GALC: variants seen among roughly 807,000 people sequenced by gnomAD.
The protein encoded by GALC is galactosylceramidase.
GALC carries 77 observed loss-of-function variants against 91.8 expected under a neutral mutation model. The ratio of observed to expected loss-of-function variants is 0.84; its 90% confidence interval spans 0.70 to 1.01. The LOEUF (loss-of-function observed/expected upper bound fraction) is 1.01. Ranked by LOEUF, GALC falls within the 50% of genes least tolerant of loss-of-function variation. The pLI, the probability that GALC is intolerant of heterozygous loss-of-function variation, is 0.00. For missense variants in GALC, 882 were observed against 855.9 expected, an observed-to-expected ratio of 1.03 and a Z score of -0.38; for synonymous variants, 357 against 306.7, an observed-to-expected ratio of 1.16 and a Z score of -1.71.
At position 87,945,651 on chromosome 14, in the gene GALC, G is replaced by T; in HGVS notation, c.1572C>A (p.Gly524=). ...CTTGGCGTAGCGTGAAGTGATGCTC[G>T]CCAGGGTCTTCAATATTTGTAAAAT... ...FEYFTNIEDP[G]EHHFTLRQVL... The change falls in exon 14 of 17, where the codon GGC becomes GGA. Residue 524 remains glycine (G), a synonymous_variant. Coordinates refer to ENST00000261304, the MANE Select transcript of GALC (RefSeq NM_000153.4). 4.3e-6 allele frequency: 7 copies of T among 1,611,204 alleles called. No homozygotes were observed. The highest frequency in any genetic ancestry group is 5.9e-6 in the Non-Finnish European group (7 of 1,177,790).
chr14:87,964,364 T>A (rs548735423), intron 9 of GALC, among the ~76,000 whole-genome samples: 2 of 152,278 alleles, frequency 1.3e-5, no homozygotes, highest in South Asian at 4.1e-4. Context: ...TCCAAATTCA[T>A]AATTTTCTTC....
intron 10 of GALC, chr14:87,955,092 G>A: frequency 7.4e-7 from 1 of 1,351,920 alleles, no homozygotes; most frequent in Non-Finnish European, 1.1e-6. Context: ...GTGTATCAAA[G>A]ATTCAGAGCC....
intron 8 of GALC, among the ~76,000 whole-genome samples, chr14:87,965,951 G>A (rs1886035180): frequency 1.3e-5 from 2 of 152,120 alleles, no homozygotes; most frequent in South Asian, 4.1e-4. Context: ...ACAAATTTGA[G>A]TCAAATACAA....
intron 15 of GALC, 85 bp from the exon 16 acceptor site, chr14:87,940,066 G>A (rs1374888533): frequency 9.9e-7 from 1 of 1,011,530 alleles, no homozygotes; most frequent in Admixed American, 1.7e-5. Flanking sequence ...TTCTTGAGTG[G>A]CATCTGTATG....
intron 6 of GALC, chr14:87,976,874 T>G: frequency 4.9e-6 from 1 of 203,438 alleles, no homozygotes; most frequent in Non-Finnish European, 1.0e-5. Context: ...CAATACTATA[T>G]TTTCTCAATA....
intron 10 of GALC, among the ~76,000 whole-genome samples, chr14:87,955,789 T>C (rs1375542736): frequency 5.3e-5 from 8 of 152,044 alleles, no homozygotes; most frequent in Admixed American, 5.3e-4. Flanking sequence ...TTGAGTGCCT[T>C]ACTGAATGTA....
At position 87,984,436 on chromosome 14, in the gene GALC, C is replaced by CA; in HGVS notation, c.539dup (p.Ala182ArgfsTer6). 1 of 1,614,006 alleles carries CA rather than the reference C, an allele frequency of 6.2e-7. No individual in the cohort carries two copies. The highest frequency in any genetic ancestry group is 2.2e-5 in the East Asian group (1 of 44,870). On this transcript the variant is annotated frameshift_variant, in exon 5 of 17. Transcript: ENST00000261304. LOFTEE classifies it high-confidence loss of function. ...CCAAATCATGGTAACGCTTGGCGCC[C>CA]ACAATCCAGGTCACGACATAATAGG... is the stretch of plus-strand genomic sequence containing the variant.
Position 87,950,640 on chromosome 14 carries a change from G to C in GALC, c.1251+19C>G. On this transcript the variant is annotated intron_variant, in intron 11 of 16. Coordinates refer to ENST00000261304, the MANE Select transcript of GALC (RefSeq NM_000153.4). ...ATTCTTAAATCAAAACTAAAATAAAGTTAAACATATTTACTTACAAAAGAT... is the reference window on the plus strand; with the variant it reads ...ATTCTTAAATCAAAACTAAAATAAACTTAAACATATTTACTTACAAAAGAT... 1 of 1,438,132 alleles carries C rather than the reference G, an allele frequency of 7.0e-7. No homozygotes were observed. The highest frequency in any genetic ancestry group is 9.8e-7 in the Non-Finnish European group (1 of 1,022,960). 89.1% of individuals were successfully genotyped at this position (1,438,132 alleles called of 1,614,324 possible).
Position 87,934,449 on chromosome 14 carries a change from C to T in GALC, c.*283G>A. The T allele has an allele frequency of 7.5e-7, 1 of 1,331,160 alleles. No individual in the cohort carries two copies. The highest frequency in any genetic ancestry group is 9.6e-7 in the Non-Finnish European group (1 of 1,036,882). The allele number at this position is 1,331,160 out of a possible 1,614,324, so 82.5% of individuals were successfully genotyped here. ...AGTGTTAGCAGCAAGGCTTCGAGGTCTGTACTACTCAAACCACTCCTAAGG... is the reference window on the plus strand; with the variant it reads ...AGTGTTAGCAGCAAGGCTTCGAGGTTTGTACTACTCAAACCACTCCTAAGG... On this transcript the variant is annotated 3_prime_UTR_variant, in exon 17 of 17. Coordinates refer to ENST00000261304, the MANE Select transcript of GALC (RefSeq NM_000153.4).
chr14:87,947,264 C>T (rs1885110545), intron 13 of GALC, among the ~76,000 whole-genome samples: 2 of 134,214 alleles, frequency 1.5e-5, no homozygotes. Context: ...CCTAGAAAAC[C>T]AAGAAAGCTC....
rs1884843673 is a variant in GALC at position 87,941,394 on chromosome 14, C to T, written c.1834+1G>A. ...TATTAAAAAAAAAAAAAGTCAGTTA[C>T]CTAAATCACCTGTAACCCTGTAAGA... On this transcript the variant is annotated splice_donor_variant, in intron 15 of 16. Transcript: ENST00000261304. LOFTEE classifies it high-confidence loss of function. The T allele has an allele frequency of 6.4e-7, 1 of 1,558,842 alleles. No homozygotes were observed. Among genetic ancestry groups the T allele is most frequent in the Non-Finnish European group, 8.7e-7 (1 of 1,144,220 alleles).
intron 3 of GALC, chr14:87,987,914 C>T (rs1379562583): frequency 1.9e-6 from 1 of 529,722 alleles, no homozygotes. Flanking sequence ...CTACCGATTA[C>T]TTCAACTAAA....
chr14:87,964,273 T>C (rs984054240), intron 9 of GALC, among the ~76,000 whole-genome samples: 15 of 152,162 alleles, frequency 9.9e-5, no homozygotes, highest in Non-Finnish European at 1.9e-4. Context: ...ACATGATTAA[T>C]ATGATTACAA....
At chr14:87,953,064 G>A (rs900423606) in intron 10 of GALC, 13 of 1,460,568 alleles carry the variant, frequency 8.9e-6, no homozygotes, top group South Asian at 6.8e-5. Flanking sequence ...GCCTGAAGTG[G>A]TACAAAGAGA....
At chr14:87,950,832 A>G (rs1595199307) in intron 10 of GALC, 84 bp from the exon 11 acceptor site, 1 of 773,832 alleles carries the variant, frequency 1.3e-6, no homozygotes. Flanking sequence ...AATGCCCAAG[A>G]TTAACAGAAA....
intron 1 of GALC, chr14:87,992,376 T>C: frequency 2.0e-6 from 3 of 1,535,686 alleles, no homozygotes; most frequent in East Asian, 2.4e-5. Context: ...TCGCTTATCT[T>C]CCTTTTAAAG....
At chr14:87,969,557 T>C (rs1886194678) in intron 7 of GALC, among the ~76,000 whole-genome samples, 1 of 152,154 alleles carries the variant, frequency 6.6e-6, no homozygotes, top group South Asian at 2.1e-4. Flanking sequence ...ACTAGCTAAA[T>C]AACTGTAGGA....
chr14:87,950,803 G>GA, intron 10 of GALC, 55 bp from the exon 11 acceptor site: 1 of 1,181,114 alleles, frequency 8.5e-7, no homozygotes. Flanking sequence ...TACCTTAGGG[G>GA]AAAAAAAGTT....
chr14:87,972,723 T>C (rs1439224038), intron 7 of GALC, among the ~76,000 whole-genome samples: 4 of 151,780 alleles, frequency 2.6e-5, no homozygotes, highest in African/African-American at 4.8e-5. Flanking sequence ...GTGAGGAATA[T>C]AGAATAGTAA....
Sources: gnomAD v4.1 joint callset for allele counts (sites outside exome capture counted in the v4.1 genomes callset) on GRCh38, gnomAD v4.1.1 for gene constraint, MANE v1.5 for transcripts, NCBI Gene and HGNC (gene_info 2026-07-23, HGNC 2026-07-21) for gene names.